Variants in PTK2 observed in about 807,000 individuals in gnomAD.
PTK2 encodes the protein focal adhesion kinase 1.
In PTK2, 45 loss-of-function variants were observed where a neutral mutation model predicts 150.1. The observed-to-expected ratio is 0.30, with a 90% CI of 0.24 to 0.38. The LOEUF (loss-of-function observed/expected upper bound fraction) is 0.38. PTK2 is among the 10% of genes least tolerant of loss of function. The pLI is 1.00. For missense variants in PTK2, 919 were observed against 1,307.3 expected, an observed-to-expected ratio of 0.70 and a Z score of 4.58; for synonymous variants, 432 against 449.2, an observed-to-expected ratio of 0.96 and a Z score of 0.48.
At chr8:140,887,774 TATC>T (rs2100152850) in intron 3 of PTK2, among the ~76,000 whole-genome samples, 1 of 152,206 alleles carries the variant, frequency 6.6e-6, no homozygotes, top group Non-Finnish European at 1.5e-5. Flanking sequence ...TCAAAAGTAT[TATC>T]ATTTAACATG....
intron 12 of PTK2, among the ~76,000 whole-genome samples, chr8:140,796,093 T>A (rs1229251173): frequency 6.6e-6 from 1 of 152,144 alleles, no homozygotes; most frequent in African/African-American, 2.4e-5. Context: ...ATCCCTAATA[T>A]CTAGCAGAGT....
intron 7 of PTK2, among the ~76,000 whole-genome samples, chr8:140,838,830 T>C (rs555174561): frequency 9.9e-5 from 15 of 151,596 alleles, no homozygotes; most frequent in Non-Finnish European, 1.9e-4. Context: ...CATGGTGAAA[T>C]CCCGTCTCTA....
intron 2 of PTK2, among the ~76,000 whole-genome samples, chr8:140,901,250 C>A (rs2154607691): frequency 6.6e-6 from 1 of 151,610 alleles, no homozygotes; most frequent in African/African-American, 2.4e-5. Context: ...CTCTCTCTCA[C>A]CATACACAAA....
intron 22 of PTK2, among the ~76,000 whole-genome samples, chr8:140,725,774 G>A (rs1323849017): frequency 6.6e-6 from 1 of 151,692 alleles, no homozygotes; most frequent in Non-Finnish European, 1.5e-5. Flanking sequence ...GCTGCTCACA[G>A]CGGAAAGAGG....
chr8:140,891,096 G>T (rs62521900), intron 2 of PTK2, among the ~76,000 whole-genome samples: 1,808 of 104,344 alleles, frequency 0.017, 19 homozygotes, highest in Non-Finnish European at 0.021. Flanking sequence ...TAAATTTGTT[G>T]GAAAATCTCA....
exon 3 of PTK2, chr8:140,890,655 C>T: frequency 2.5e-6 from 4 of 1,614,074 alleles, no homozygotes; most frequent in Non-Finnish European, 3.4e-6. Flanking sequence ...ACCAGGAGAA[C>T]GTTCCATACC....
chr8:140,842,509 T>C (rs575241337), intron 7 of PTK2, among the ~76,000 whole-genome samples: 4 of 152,176 alleles, frequency 2.6e-5, no homozygotes, highest in East Asian at 1.9e-4. Flanking sequence ...GACAATCTCA[T>C]ATATAGGTAG....
intron 29 of PTK2, 123 bp from the exon 33 acceptor site, chr8:140,669,858 A>T: frequency 8.6e-7 from 1 of 1,164,966 alleles, no homozygotes; most frequent in South Asian, 1.4e-5. Flanking sequence ...CAGAACAAAA[A>T]GGAGCTAGTT....
At chr8:140,860,899 C>T (rs1026751228) in intron 5 of PTK2, among the ~76,000 whole-genome samples, 6 of 152,150 alleles carry the variant, frequency 3.9e-5, no homozygotes, top group Non-Finnish European at 8.8e-5. Context: ...TTGCCAATCA[C>T]CAATGGGAAA....
intron 2 of PTK2, among the ~76,000 whole-genome samples, chr8:140,910,332 T>A (rs998203097): frequency 3.3e-5 from 5 of 152,258 alleles, no homozygotes; most frequent in Non-Finnish European, 4.4e-5. Context: ...CCTTTTTTTT[T>A]AATATGAAAG....
chr8:140,771,252 CTT>C (rs1156690102), intron 14 of PTK2: 2 of 152,922 alleles, frequency 1.3e-5, no homozygotes, highest in East Asian at 1.9e-4. Context: ...ACTCACAGCT[CTT>C]GAGTTATATA....
chr8:140,860,661 C>T (rs879845133), intron 5 of PTK2, among the ~76,000 whole-genome samples: 1 of 152,106 alleles, frequency 6.6e-6, no homozygotes, highest in African/African-American at 2.4e-5. Flanking sequence ...TTAGTAGAGA[C>T]GGAGTTTTGC....
intron 5 of PTK2, among the ~76,000 whole-genome samples, chr8:140,853,655 G>C (rs958826595): frequency 2.0e-5 from 3 of 152,092 alleles, no homozygotes; most frequent in Admixed American, 2.0e-4. Flanking sequence ...AAACACACGT[G>C]TGCATGAGTG....
intron 7 of PTK2, among the ~76,000 whole-genome samples, chr8:140,832,257 G>C (rs2100115882): frequency 6.6e-6 from 1 of 152,148 alleles, no homozygotes; most frequent in African/African-American, 2.4e-5. Context: ...GTCTCACCAT[G>C]TTGGCCAGGC....
At chr8:140,725,031 C>T (rs1364500241) in intron 22 of PTK2, among the ~76,000 whole-genome samples, 2 of 152,232 alleles carry the variant, frequency 1.3e-5, no homozygotes, top group Non-Finnish European at 2.9e-5. Flanking sequence ...TCTCTCATTG[C>T]TTCTCCAACT....
intron 24 of PTK2, among the ~76,000 whole-genome samples, chr8:140,703,121 G>A (rs868068472): frequency 1.3e-5 from 2 of 152,054 alleles, no homozygotes; most frequent in Non-Finnish European, 2.9e-5. Context: ...CGAGGCAGGC[G>A]GATCACAAGG....
intron 14 of PTK2, among the ~76,000 whole-genome samples, chr8:140,774,289 T>C (rs2100077172): frequency 6.6e-6 from 1 of 152,188 alleles, no homozygotes; most frequent in Non-Finnish European, 1.5e-5. Flanking sequence ...AGCTGCAGTT[T>C]TGGAGTGGCT....
At chr8:140,847,509 A>C (rs2100126303) in intron 5 of PTK2, among the ~76,000 whole-genome samples, 1 of 152,182 alleles carries the variant, frequency 6.6e-6, no homozygotes, top group African/African-American at 2.4e-5. Flanking sequence ...TAAAATCTGC[A>C]ATTGATTTTG....
intron 2 of PTK2, among the ~76,000 whole-genome samples, chr8:140,893,317 A>G (rs1424811415): frequency 6.6e-6 from 1 of 152,202 alleles, no homozygotes; most frequent in African/African-American, 2.4e-5. Context: ...ACATAAAACA[A>G]AATGAAACAC....
Sources: allele counts gnomAD v4.1 joint callset (sites outside exome capture counted in the v4.1 genomes callset), GRCh38; gene constraint gnomAD v4.1.1; transcripts MANE v1.5; gene names NCBI Gene and HGNC (gene_info 2026-07-23, HGNC 2026-07-21).